Variants in ZBTB20 observed in about 807,000 individuals in gnomAD.
ZBTB20 encodes the protein zinc finger and BTB domain containing 20, also known as zinc finger and BTB domain-containing protein 20.
A neutral mutation model predicts 56.9 loss-of-function variants in ZBTB20; 9 were observed. The ratio of observed to expected loss-of-function variants is 0.16; its 90% CI spans 0.10 to 0.28. The LOEUF (loss-of-function observed/expected upper bound fraction) is 0.28, where lower values mean the gene tolerates loss of function less well. Ranked by LOEUF, ZBTB20 falls within the 10% of genes least tolerant of loss-of-function variation. The pLI is 1.00. For synonymous variants in ZBTB20, 417 were observed against 420.7 expected, an observed-to-expected ratio of 0.99 and a Z score of 0.11; for missense variants, 655 against 1,003.0, an observed-to-expected ratio of 0.65 and a Z score of 4.69.
chr3:115,017,538 A>T (rs2080021734), intron 2 of ZBTB20, among the ~76,000 whole-genome samples: 1 of 151,636 alleles, frequency 6.6e-6, no homozygotes. Context: ...AGTATAAATT[A>T]ATAGTTTAAA....
intron 5 of ZBTB20, among the ~76,000 whole-genome samples, chr3:114,695,471 A>T (rs1426107550): frequency 6.6e-6 from 1 of 152,070 alleles, no homozygotes; most frequent in African/African-American, 2.4e-5. Flanking sequence ...GTGAAAACCC[A>T]CCAAGATGAA....
intron 2 of ZBTB20, among the ~76,000 whole-genome samples, chr3:115,013,044 A>G (rs2079789053): frequency 6.6e-6 from 1 of 151,842 alleles, no homozygotes; most frequent in Non-Finnish European, 1.5e-5. Context: ...AACATGCCAA[A>G]ATCTATGGGA....
rs550329873 is a variant in ZBTB20, at chr3:114,777,923, T to C, written c.-343+23178A>G. The stretch of plus-strand genomic sequence containing the variant: ...TGGAATACTATGCAGCCATAAAAAA[T>C]GATGAGTTCATGTCCTTTGTAGGGA... On this transcript the variant is annotated intron_variant, in intron 5 of 11. Transcript: ENST00000675478. Among the ~76,000 whole-genome samples the C allele has an allele frequency of 1.1e-3, 162 of 151,670 alleles. 1 individual carries two copies. Among genetic ancestry groups the C allele is most frequent in the Middle Eastern group, 6.8e-3 (2 of 292 alleles).
chr3:114,607,371 C>T (rs1370529115), intron 6 of ZBTB20, among the ~76,000 whole-genome samples: 2 of 149,134 alleles, frequency 1.3e-5, no homozygotes, highest in Non-Finnish European at 3.0e-5. Context: ...GGCATGATCT[C>T]GGCTCACTGC....
chr3:115,139,482 C>T (rs1014749903), intron 1 of ZBTB20, among the ~76,000 whole-genome samples: 1 of 151,970 alleles, frequency 6.6e-6, no homozygotes, highest in Non-Finnish European at 1.5e-5. Flanking sequence ...AGTCAGATTT[C>T]TTTGCCTACC....
At chr3:114,605,254 C>T (rs976806778) in intron 6 of ZBTB20, among the ~76,000 whole-genome samples, 1 of 152,154 alleles carries the variant, frequency 6.6e-6, no homozygotes, top group Non-Finnish European at 1.5e-5. Flanking sequence ...ATTCAATAAG[C>T]TGCTTTCTCA....
At chr3:115,146,941 G>C (rs933169363) in intron 1 of ZBTB20, among the ~76,000 whole-genome samples, 2 of 150,818 alleles carry the variant, frequency 1.3e-5, no homozygotes, top group African/African-American at 2.4e-5. Flanking sequence ...CCGCCGGGTC[G>C]GGCGAGGCAG....
intron 4 of ZBTB20, among the ~76,000 whole-genome samples, chr3:114,801,429 T>TG (rs2071711036): frequency 7.5e-6 from 1 of 133,616 alleles, no homozygotes; most frequent in African/African-American, 2.8e-5. Context: ...AAAAACAAAA[T>TG]ACGCCTCCAT....
At chr3:114,603,851 C>A (rs1258609853) in intron 6 of ZBTB20, among the ~76,000 whole-genome samples, 7 of 151,962 alleles carry the variant, frequency 4.6e-5, no homozygotes, top group Non-Finnish European at 8.8e-5. Context: ...GAGATACCGT[C>A]TTTTACCAAT....
intron 6 of ZBTB20, among the ~76,000 whole-genome samples, chr3:114,504,836 T>C (rs975463911): frequency 6.6e-6 from 1 of 152,152 alleles, no homozygotes; most frequent in Non-Finnish European, 1.5e-5. Context: ...TCCAATTTAC[T>C]AGAGAAAAAA....
intron 6 of ZBTB20, among the ~76,000 whole-genome samples, chr3:114,613,540 C>T (rs1220298091): frequency 6.6e-6 from 1 of 152,032 alleles, no homozygotes; most frequent in Admixed American, 6.5e-5. Context: ...TGAGAGCAGC[C>T]AGAGACAATG....
intron 1 of ZBTB20, among the ~76,000 whole-genome samples, chr3:115,075,092 C>A (rs1036759512): frequency 1.3e-5 from 2 of 152,056 alleles, no homozygotes; most frequent in African/African-American, 4.8e-5. Flanking sequence ...TTTATTGAAG[C>A]CTTACTACAT....
chr3:114,792,373 G>T (rs1578888811), intron 5 of ZBTB20, among the ~76,000 whole-genome samples: 1 of 152,118 alleles, frequency 6.6e-6, no homozygotes, highest in East Asian at 1.9e-4. Flanking sequence ...TGCTAAGCAG[G>T]AAAGATATTT....
At chr3:114,429,467 C>G (rs1037027524) in intron 7 of ZBTB20, among the ~76,000 whole-genome samples, 3 of 152,152 alleles carry the variant, frequency 2.0e-5, no homozygotes, top group Non-Finnish European at 4.4e-5. Context: ...CCTTTAGAAT[C>G]CATCCTAAAT....
At chr3:114,976,443 T>C (rs1225923591) in intron 2 of ZBTB20, among the ~76,000 whole-genome samples, 1 of 152,058 alleles carries the variant, frequency 6.6e-6, no homozygotes, top group African/African-American at 2.4e-5. Flanking sequence ...CTGCTCAACA[T>C]GGCGAAACCC....
At chr3:115,128,170 GA>G (rs1486225207) in intron 1 of ZBTB20, among the ~76,000 whole-genome samples, 1 of 152,088 alleles carries the variant, frequency 6.6e-6, no homozygotes, top group Non-Finnish European at 1.5e-5. Context: ...GAGAAACAGT[GA>G]AGAAATATAT....
At chr3:114,942,346 A>G (rs935787930) in intron 3 of ZBTB20, among the ~76,000 whole-genome samples, 2 of 146,126 alleles carry the variant, frequency 1.4e-5, no homozygotes, top group African/African-American at 5.6e-5. Context: ...ATAAAGATTA[A>G]TCAATTTATA....
chr3:115,085,947 A>C (rs896257023), intron 1 of ZBTB20, among the ~76,000 whole-genome samples: 2 of 151,880 alleles, frequency 1.3e-5, no homozygotes, highest in South Asian at 4.1e-4. Flanking sequence ...GAGTTCATAA[A>C]AACAATTTTT....
At chr3:114,753,017 C>A (rs1480400133) in intron 5 of ZBTB20, among the ~76,000 whole-genome samples, 1 of 152,018 alleles carries the variant, frequency 6.6e-6, no homozygotes. Context: ...TGTTTCTCCC[C>A]TTACATTATG....
Sources: gnomAD v4.1 joint callset for allele counts (sites outside exome capture counted in the v4.1 genomes callset) on GRCh38, gnomAD v4.1.1 for gene constraint, MANE v1.5 for transcripts, NCBI Gene and HGNC (gene_info 2026-07-23, HGNC 2026-07-21) for gene names.